NBEAL1: variants seen among roughly 807,000 people sequenced by gnomAD.
NBEAL1 encodes neurobeachin like 1, also known as neurobeachin-like protein 1.
NBEAL1 carries 273 observed loss-of-function variants against 351.3 expected under a neutral mutation model. That is an observed-to-expected ratio of 0.78 (90% confidence interval 0.70 to 0.86). NBEAL1 has a LOEUF of 0.86. NBEAL1 is among the 40% of genes least tolerant of loss of function. The pLI is 0.00. For missense variants in NBEAL1, 2,961 were observed against 3,201.3 expected, an observed-to-expected ratio of 0.92 and a Z score of 1.81; for synonymous variants, 1,050 against 1,086.4, an observed-to-expected ratio of 0.97 and a Z score of 0.66.
chr2:203,205,934 T>C (rs916837644), intron 51 of NBEAL1, among the ~76,000 whole-genome samples: 5 of 152,210 alleles, frequency 3.3e-5, no homozygotes, highest in African/African-American at 7.2e-5. Context: ...GCACACCACA[T>C]GGAACAGGTG....
intron 10 of NBEAL1, among the ~76,000 whole-genome samples, chr2:203,093,671 T>C (rs1446875344): frequency 6.6e-6 from 1 of 151,988 alleles, no homozygotes; most frequent in East Asian, 1.9e-4. Context: ...CTGGCCAACG[T>C]GGCGAAACCC....
At chr2:203,148,573 T>G (rs2063566988) in intron 33 of NBEAL1, among the ~76,000 whole-genome samples, 1 of 152,116 alleles carries the variant, frequency 6.6e-6, no homozygotes, top group African/African-American at 2.4e-5. Flanking sequence ...AGATTAAAAT[T>G]ATGTCTTTGT....
In NBEAL1 at chr2:203,135,859, CAAG is replaced by C. The variant is rs769531480; in HGVS notation, c.4002_4004del (p.Lys1334del). On this transcript the variant is annotated inframe_deletion, in exon 28 of 56. Coordinates refer to ENST00000683969, the MANE Select transcript of NBEAL1 (RefSeq NM_001378026.1). ...ATAAAAATATGTCAACTGAAGATAC[CAAG>C]AAGAACTCTGATGAAAAAACAGATG... 9 of 1,613,776 alleles carry C rather than the reference CAAG, an allele frequency of 5.6e-6. No homozygotes were observed. Among genetic ancestry groups the C allele is most frequent in the South Asian group, 1.1e-5 (1 of 91,046 alleles).
chr2:203,204,667 G>A (rs1390253020), intron 51 of NBEAL1, among the ~76,000 whole-genome samples: 1 of 151,884 alleles, frequency 6.6e-6, no homozygotes, highest in Admixed American at 6.6e-5. Context: ...TTTGTTTCAG[G>A]TCCTTTTTAT....
At chr2:203,216,751 A>G (rs984129669) in intron 55 of NBEAL1, among the ~76,000 whole-genome samples, 3 of 152,200 alleles carry the variant, frequency 2.0e-5, no homozygotes, top group African/African-American at 7.2e-5. Context: ...TTTCTCAAAG[A>G]CAAAATAAGT....
chr2:203,078,323 A>ACCTTGG (rs1242045858), intron 8 of NBEAL1, among the ~76,000 whole-genome samples: 2 of 152,080 alleles, frequency 1.3e-5, no homozygotes, highest in Non-Finnish European at 2.9e-5. Flanking sequence ...GTAAGCATCT[A>ACCTTGG]AGTGCTGTCA....
At position 203,222,303 on chromosome 2, in the gene NBEAL1, C is replaced by T. The variant is rs1374824771; in HGVS notation, c.*4949C>T. On this transcript the variant is annotated 3_prime_UTR_variant, in exon 56 of 56. Coordinates refer to ENST00000683969, the MANE Select transcript of NBEAL1 (RefSeq NM_001378026.1). ...TAAATATACAGATATGTAGGCACTG[C>T]TTTGGACTTCATGAATCTCTTTGCT... 3.3e-5 allele frequency among the ~76,000 whole-genome samples: 5 copies of T among 152,140 alleles called. No individual in the cohort carries two copies. The highest frequency in any genetic ancestry group is 1.9e-4 in the East Asian group (1 of 5,204).
chr2:203,138,082 A>G, intron 29 of NBEAL1, 80 bp from the exon 30 acceptor site: 3 of 1,316,336 alleles, frequency 2.3e-6, no homozygotes, highest in Non-Finnish European at 3.2e-6. Flanking sequence ...CTGCCTCTCA[A>G]GCTATTTTGT....
At chr2:203,168,443 C>T (rs1202337589) in intron 38 of NBEAL1, among the ~76,000 whole-genome samples, 1 of 151,976 alleles carries the variant, frequency 6.6e-6, no homozygotes, top group African/African-American at 2.4e-5. Flanking sequence ...ACTAGCTGGT[C>T]GTGGTGGCAC....
intron 3 of NBEAL1, among the ~76,000 whole-genome samples, chr2:203,046,129 A>G (rs151017226): frequency 5.1e-4 from 77 of 152,316 alleles, no homozygotes; most frequent in African/African-American, 1.8e-3. Flanking sequence ...AGCCTGGACA[A>G]TATAGCAAGA....
At chr2:203,186,286 G>T (rs10182274) in intron 44 of NBEAL1, among the ~76,000 whole-genome samples, 4 of 152,044 alleles carry the variant, frequency 2.6e-5, no homozygotes, top group African/African-American at 9.7e-5. Flanking sequence ...AGTCAAGTCT[G>T]TGTGTGGATG....
intron 6 of NBEAL1, among the ~76,000 whole-genome samples, chr2:203,065,779 TCAAC>T (rs1189573268): frequency 2.6e-5 from 4 of 151,840 alleles, no homozygotes; most frequent in Non-Finnish European, 5.9e-5. Flanking sequence ...CCTGGTTAAA[TCAAC>T]CAAAAACATA....
At chr2:203,105,418 T>C (rs2062414468) in intron 12 of NBEAL1, among the ~76,000 whole-genome samples, 1 of 151,250 alleles carries the variant, frequency 6.6e-6, no homozygotes, top group South Asian at 2.1e-4. Context: ...GGAGCTGAGA[T>C]CGCGCCACTG....
intron 7 of NBEAL1, among the ~76,000 whole-genome samples, chr2:203,069,934 A>G (rs2061653732): frequency 6.6e-6 from 1 of 152,226 alleles, no homozygotes; most frequent in Non-Finnish European, 1.5e-5. Context: ...TATTGAGATT[A>G]CAGGTGAGAG....
Position 203,136,146 on chromosome 2 carries a change from C to A in NBEAL1, c.4283C>A (p.Ser1428Tyr), listed in dbSNP as rs1025524769. ...QVPDSLPSTP[S>Y]PVESTKSFSV... is the part of the protein sequence containing the mutation. ...CCAGACAGTCTGCCTAGCACACCAT[C>A]CCCAGTAGAGTCTACTAAATCGTTT... Residue 1428 changes from serine to tyrosine, a missense_variant, in exon 28 of 56, where the codon TCC (serine) becomes TAC (tyrosine). By Grantham distance (144) the Ser-to-Tyr change is moderately radical. Transcript: ENST00000683969. The A allele has an allele frequency of 2.5e-5, 40 of 1,613,970 alleles. No individual in the cohort carries two copies. Among genetic ancestry groups the A allele is most frequent in the Non-Finnish European group, 3.4e-5 (40 of 1,179,958 alleles).
intron 10 of NBEAL1, among the ~76,000 whole-genome samples, chr2:203,091,869 TA>T (rs1298802486): frequency 6.6e-6 from 1 of 152,228 alleles, no homozygotes; most frequent in Non-Finnish European, 1.5e-5. Context: ...TGTTATGCAT[TA>T]ACACTAGTGT....
chr2:203,219,636 A>G lies in NBEAL1; in HGVS notation c.*2282A>G, dbSNP rs547638036. On this transcript the variant is annotated 3_prime_UTR_variant, in exon 56 of 56. Coordinates refer to ENST00000683969, the MANE Select transcript of NBEAL1 (RefSeq NM_001378026.1). The stretch of plus-strand genomic sequence containing the variant: ...TTTGGGAGGCTGAGGCAGGCGAATC[A>G]CAAGGTCAGGAGTTCAAGACCAGCC... 5.1e-4 allele frequency: 78 copies of G among 152,202 alleles called. No individual in the cohort carries two copies. Among genetic ancestry groups the G allele is most frequent in the African/African-American group, 1.7e-3 (72 of 41,536 alleles). The allele number at this position is 152,202 out of a possible 1,614,324, so 9.4% of individuals were successfully genotyped here. A position where few individuals can be genotyped will look rare whatever the true frequency, so the allele number is the denominator to read the frequency against.
intron 35 of NBEAL1, among the ~76,000 whole-genome samples, chr2:203,153,171 T>C (rs1041739520): frequency 2.6e-5 from 4 of 152,182 alleles, no homozygotes; most frequent in African/African-American, 9.6e-5. Flanking sequence ...CTCTCTCTGT[T>C]GACCAAGCTA....
rs191323404 is a variant in NBEAL1 at position 203,045,970 on chromosome 2, T to C, written c.144-3844T>C. 2.0e-4 allele frequency among the ~76,000 whole-genome samples: 31 copies of C among 152,304 alleles called. 1 individual carries two copies. The highest frequency in any genetic ancestry group is 9.1e-4 in the Admixed American group (14 of 15,306). On this transcript the variant is annotated intron_variant, in intron 3 of 55. Transcript: ENST00000683969. ...TCTTTCTATATTTCACAGCTGAAAA[T>C]GCATATTAACCTTCTGGTTTGAGAC...
Sources: allele counts gnomAD v4.1 joint callset (sites outside exome capture counted in the v4.1 genomes callset), GRCh38; gene constraint gnomAD v4.1.1; transcripts MANE v1.5; gene names NCBI Gene and HGNC (gene_info 2026-07-23, HGNC 2026-07-21).